Variants in LRRC2 observed in about 807,000 individuals in gnomAD.
LRRC2 encodes leucine-rich repeat-containing protein 2.
A neutral mutation model predicts 40.2 loss-of-function variants in LRRC2; 27 were observed. The ratio of observed to expected loss-of-function variants is 0.67; its 90% CI spans 0.49 to 0.93. LRRC2 has a LOEUF of 0.93. Ranked by LOEUF, LRRC2 falls within the 40% of genes least tolerant of loss-of-function variation. The pLI is 0.00. For missense variants in LRRC2, 402 were observed against 439.6 expected (o/e 0.91, Z 0.76); for synonymous variants, 147 against 158.9 (o/e 0.92, Z 0.56).
intron 3 of LRRC2, among the ~76,000 whole-genome samples, chr3:46,543,506 C>G (rs1267117924): frequency 6.6e-6 from 1 of 151,970 alleles, no homozygotes; most frequent in African/African-American, 2.4e-5. Flanking sequence ...GTCCCAGCTA[C>G]TCGGGAGGCT....
intron 2 of LRRC2, among the ~76,000 whole-genome samples, chr3:46,547,715 T>C (rs1704559985): frequency 6.6e-6 from 1 of 151,474 alleles, no homozygotes; most frequent in African/African-American, 2.4e-5. Flanking sequence ...TATGTGTGTG[T>C]GTGTGTGTGT....
chr3:46,537,544 T>C (rs1704293505), intron 4 of LRRC2, among the ~76,000 whole-genome samples: 1 of 152,212 alleles, frequency 6.6e-6, no homozygotes, highest in Non-Finnish European at 1.5e-5. Context: ...GTGTAATATG[T>C]AAATGATAAT....
At chr3:46,543,895 A>G (rs2107022276) in intron 3 of LRRC2, among the ~76,000 whole-genome samples, 1 of 152,044 alleles carries the variant, frequency 6.6e-6, no homozygotes, top group South Asian at 2.1e-4. Flanking sequence ...AAAGAGGTTT[A>G]CAGTAATAAC....
rs139298319 is a variant in LRRC2, at chr3:46,553,116, G to T, written c.-19-1506C>A. On this transcript the variant is annotated intron_variant, in intron 1 of 8. Transcript: ENST00000395905. The stretch of plus-strand genomic sequence containing the variant: ...GCTTCACTCTCAGGACACTAAATGA[G>T]CTCTCTTCTTTTTTATTTTTCTACT... Among the ~76,000 whole-genome samples, 603 of 151,708 alleles carry T rather than the reference G, an allele frequency of 4.0e-3. 1 individual carries two copies. Among genetic ancestry groups the T allele is most frequent in the Non-Finnish European group, 6.3e-3 (425 of 67,978 alleles).
At chr3:46,551,751 CTTTTTTTTT>C (rs748541390) in intron 1 of LRRC2, 141 bp from the exon 2 acceptor site, 459 of 138,708 alleles carry the variant, frequency 3.3e-3, no homozygotes, top group Middle Eastern at 5.6e-3. Flanking sequence ...TGACAGTTTG[CTTTTTTTTT>C]TTTTTTTTTT....
At chr3:46,529,594 AT>A (rs1704122680) in intron 6 of LRRC2, among the ~76,000 whole-genome samples, 1 of 152,360 alleles carries the variant, frequency 6.6e-6, no homozygotes, top group Non-Finnish European at 1.5e-5. Context: ...TCTATACTTA[AT>A]AAATTAACTT....
chr3:46,561,923 C>T (rs945526768), intron 1 of LRRC2, among the ~76,000 whole-genome samples: 1 of 152,110 alleles, frequency 6.6e-6, no homozygotes, highest in Non-Finnish European at 1.5e-5. Context: ...TAAACAGGTG[C>T]CAGGCCTGCA....
intron 5 of LRRC2, among the ~76,000 whole-genome samples, chr3:46,531,394 G>A (rs1704158588): frequency 6.6e-6 from 1 of 152,150 alleles, no homozygotes; most frequent in Non-Finnish European, 1.5e-5. Flanking sequence ...CTTTAATAAA[G>A]GAGGAAAAGG....
intron 3 of LRRC2, among the ~76,000 whole-genome samples, chr3:46,542,386 A>G (rs543949594): frequency 1.1e-4 from 16 of 152,146 alleles, no homozygotes; most frequent in African/African-American, 3.9e-4. Flanking sequence ...GGTTCCAGCT[A>G]CAGAGAAGGC....
rs1704330266 is a variant in LRRC2 at position 46,539,133 on chromosome 3, T to G, written c.402A>C (p.Gln134His). 6.2e-7 allele frequency: 1 copy of G among 1,613,976 alleles called. No homozygotes were observed. The highest frequency in any genetic ancestry group is 2.2e-5 in the East Asian group (1 of 44,890). ...ATAACTGAATATATGTAGGAATGAT[T>G]TGAATCAAGGTATTGCTTATGTACC... ...REWYISNTLI[Q>H]IIPTYIQLFQ... Residue 134 changes from glutamine to histidine, a missense_variant, in exon 4 of 9, where the codon CAA (glutamine) becomes CAC (histidine). By Grantham distance (24) the Gln-to-His change is conservative (BLOSUM62 0). Transcript: ENST00000395905.
intron 4 of LRRC2, among the ~76,000 whole-genome samples, chr3:46,536,412 C>T (rs1424594132): frequency 1.3e-5 from 2 of 152,178 alleles, no homozygotes; most frequent in African/African-American, 4.8e-5. Context: ...CTAATCCTCA[C>T]AACCACTAAA....
At chr3:46,555,251 T>C (rs1445670927) in intron 1 of LRRC2, among the ~76,000 whole-genome samples, 2 of 152,196 alleles carry the variant, frequency 1.3e-5, no homozygotes, top group African/African-American at 4.8e-5. Flanking sequence ...TGCTTATAGT[T>C]GATGTGAGAT....
rs568553765 is a variant in LRRC2 at position 46,519,722 on chromosome 3, C to A, written c.1067-659G>T. On this transcript the variant is annotated intron_variant, in intron 8 of 8. Transcript: ENST00000395905. ...TCCTATGTTCACTAAAGCTTGAGGA[C>A]CAGTGAGGGCTTCACATCCTTATCC... 7.2e-5 allele frequency among the ~76,000 whole-genome samples: 11 copies of A among 152,324 alleles called. No homozygotes were observed. The East Asian group carries it at 1.5e-3, about 21-fold the overall frequency.
rs2106963735 is a variant in LRRC2 at position 46,515,895 on chromosome 3, CTA to C, written c.*3117_*3118del. The C allele has an allele frequency of 6.7e-6, 1 of 149,198 alleles. No individual in the cohort carries two copies. The highest frequency in any genetic ancestry group is 2.5e-5 in the African/African-American group (1 of 40,344). 9.2% of individuals were successfully genotyped at this position (149,198 alleles called of 1,614,324 possible). A position where few individuals can be genotyped will look rare whatever the true frequency, so the allele number is the denominator to read the frequency against. On this transcript the variant is annotated 3_prime_UTR_variant, in exon 9 of 9. Coordinates refer to ENST00000395905, the MANE Select transcript of LRRC2 (RefSeq NM_024512.5). ...TAGTGTTAAAAAGAAAAAAATGTAA[CTA>C]TTTAAGATTCAACGAAGGTGATTTC...
chr3:46,542,836 C>A (rs1449659455), intron 3 of LRRC2, among the ~76,000 whole-genome samples: 2 of 152,178 alleles, frequency 1.3e-5, no homozygotes, highest in Non-Finnish European at 2.9e-5. Context: ...GCCCTCAGCC[C>A]AAGCTGGCCA....
intron 6 of LRRC2, 132 bp from the exon 7 acceptor site, chr3:46,527,713 T>C (rs113569168): frequency 3.5e-5 from 26 of 741,618 alleles, no homozygotes; most frequent in African/African-American, 3.4e-4. Context: ...GAGAACCAAC[T>C]TATTCTAAGT....
intron 1 of LRRC2, among the ~76,000 whole-genome samples, chr3:46,553,182 C>CAAA (rs10676856): frequency 0.35 from 51,809 of 149,324 alleles, 9,227 homozygotes; most frequent in East Asian, 0.58. Flanking sequence ...TTGATCATTG[C>CAAA]AAAAAAAAAA....
rs771250086 is a variant in LRRC2 at position 46,524,474 on chromosome 3, C to G, written c.930-2816G>C. Among the ~76,000 whole-genome samples, 4 of 152,154 alleles carry G rather than the reference C, an allele frequency of 2.6e-5. 1 individual carries two copies. In the South Asian group the frequency reaches 8.3e-4, roughly 32 times the overall value. Reference sequence around the variant, plus strand: ...TTTAAGCACCATATTTCTGTCTACACCTCCCTGTACCGAAATTTCTGGCCA... The same window carrying G: ...TTTAAGCACCATATTTCTGTCTACAGCTCCCTGTACCGAAATTTCTGGCCA... On this transcript the variant is annotated intron_variant, in intron 7 of 8. Coordinates refer to ENST00000395905, the MANE Select transcript of LRRC2 (RefSeq NM_024512.5).
chr3:46,552,743 C>A (rs1401266359), intron 1 of LRRC2, among the ~76,000 whole-genome samples: 1 of 152,178 alleles, frequency 6.6e-6, no homozygotes, highest in East Asian at 1.9e-4. Context: ...GGCACTGAGC[C>A]CCACTGAGCA....
Sources: gnomAD v4.1 joint callset for allele counts (sites outside exome capture counted in the v4.1 genomes callset) on GRCh38, gnomAD v4.1.1 for gene constraint, MANE v1.5 for transcripts, NCBI Gene and HGNC (gene_info 2026-07-23, HGNC 2026-07-21) for gene names.